The following DHRS12 variants were observed in gnomAD, a reference collection of about 807,000 sequenced individuals.
DHRS12 encodes dehydrogenase/reductase SDR family member 12.
In DHRS12, 29 loss-of-function variants were observed where a neutral mutation model predicts 32.1. The ratio of observed to expected loss-of-function variants is 0.90; its 90% CI spans 0.67 to 1.23. The LOEUF (loss-of-function observed/expected upper bound fraction) is 1.23, where lower values mean the gene tolerates loss of function less well. Among genes scored for constraint, DHRS12 ranks in the 50% most tolerant of loss-of-function variants. The pLI, the probability that DHRS12 is intolerant of heterozygous loss-of-function variation, is 0.00. For synonymous variants in DHRS12, 150 were observed against 135.9 expected (o/e 1.10, Z -0.72); for missense variants, 330 against 337.2 (o/e 0.98, Z 0.17).
In DHRS12 at chr13:51,773,210, A is replaced by G. The variant is rs1234761596; in HGVS notation, c.468+720T>C. ...TTTTTTCAAATTTTGGAATATCTGCATATACATAACGAGATATCTTGGGGA... is the reference window on the plus strand; with the variant it reads ...TTTTTTCAAATTTTGGAATATCTGCGTATACATAACGAGATATCTTGGGGA... On this transcript the variant is annotated intron_variant, in intron 6 of 8. Coordinates refer to ENST00000444610, the MANE Select transcript of DHRS12 (RefSeq NM_001377533.1). 2.0e-5 allele frequency among the ~76,000 whole-genome samples: 3 copies of G among 152,256 alleles called. No homozygotes were observed. In the East Asian group the frequency reaches 5.8e-4, roughly 29 times the overall value.
the DHRS12 span, among the ~76,000 whole-genome samples, chr13:51,759,102 G>GT: frequency 6.6e-6 from 1 of 152,194 alleles, no homozygotes. Flanking sequence ...AATTACTTGA[G>GT]CCCAGTAAGT....
intron 7 of DHRS12, chr13:51,771,299 G>A: frequency 6.4e-7 from 1 of 1,566,710 alleles, no homozygotes; most frequent in African/African-American, 1.4e-5. Context: ...GCTGCCTGAG[G>A]TCATGGAGTT....
Position 51,799,573 on chromosome 13 carries a change from C to T in DHRS12, c.87G>A (p.Ala29=), listed in dbSNP as rs139714201. The T allele has an allele frequency of 1.9e-5, 31 of 1,613,994 alleles. No homozygotes were observed. The highest frequency in any genetic ancestry group is 4.0e-5 in the African/African-American group (3 of 74,930). The change falls in exon 2 of 9, where the codon GCG becomes GCA. Residue 29 remains alanine, a synonymous_variant. Transcript: ENST00000444610. The stretch of plus-strand genomic sequence containing the variant: ...TCAAGGGCAGTTGCTTTGCCAATGC[C>T]GCTGTTTCCTCCAGTGACCAAAAAG... ...EESFWSLEET[A]ALAKQLPLKS... is the part of the protein sequence containing the mutation.
At chr13:51,792,110 T>G (rs945884656) in intron 2 of DHRS12, among the ~76,000 whole-genome samples, 1 of 152,208 alleles carries the variant, frequency 6.6e-6, no homozygotes. Flanking sequence ...CTTGGATAAG[T>G]ACCCAGAAGT....
rs185685436 is a variant in DHRS12 at position 51,778,579 on chromosome 13, C to T, written c.302-1458G>A. 4.8e-3 allele frequency among the ~76,000 whole-genome samples: 732 copies of T among 152,244 alleles called. 4 individuals are homozygous for T. The highest frequency in any genetic ancestry group is 0.015 in the Admixed American group (237 of 15,308). On this transcript the variant is annotated intron_variant, in intron 4 of 8. Coordinates refer to ENST00000444610, the MANE Select transcript of DHRS12 (RefSeq NM_001377533.1). Reference sequence around the variant, plus strand: ...GATCTGCCGCATCAGCTTGCCCTGACGGATTGTCATAAATGGCTCTTGTGA... The same window carrying T: ...GATCTGCCGCATCAGCTTGCCCTGATGGATTGTCATAAATGGCTCTTGTGA...
chr13:51,798,121 C>T (rs1002610311), intron 2 of DHRS12, among the ~76,000 whole-genome samples: 1 of 152,152 alleles, frequency 6.6e-6, no homozygotes, highest in African/African-American at 2.4e-5. Context: ...TCTGGAATAA[C>T]ATCCTGATTT....
the DHRS12 span, chr13:51,756,435 G>C: frequency 6.2e-7 from 1 of 1,614,090 alleles, no homozygotes. Flanking sequence ...GTCTGTGACA[G>C]CTGCCACGAG....
chr13:51,772,883 G>C (rs1226819225), intron 6 of DHRS12: 1 of 985,320 alleles, frequency 1.0e-6, no homozygotes, highest in Non-Finnish European at 1.2e-6. Flanking sequence ...ATTTGGTCTG[G>C]GGTCAAGGAG....
At chr13:51,787,128 G>T (rs7331639) in intron 4 of DHRS12, among the ~76,000 whole-genome samples, 5 of 152,106 alleles carry the variant, frequency 3.3e-5, no homozygotes, top group Non-Finnish European at 7.4e-5. Flanking sequence ...ATCAAAGCCC[G>T]AGAATTATTA....
At position 51,804,142 on chromosome 13, in the gene DHRS12, C is replaced by G. The variant is rs1191414214; in HGVS notation, c.-97G>C. ...GCGCCCCACGCCTAGCCCCACCGCG[C>G]TCCCGGCGCGGCCTCCGCCCTGGTC... On this transcript the variant is annotated 5_prime_UTR_variant, in exon 1 of 9. Coordinates refer to ENST00000444610, the MANE Select transcript of DHRS12 (RefSeq NM_001377533.1). 1.4e-6 allele frequency: 2 copies of G among 1,448,350 alleles called. No homozygotes were observed. The highest frequency in any genetic ancestry group is 2.7e-5 in the South Asian group (2 of 75,388). 89.7% of individuals were successfully genotyped at this position (1,448,350 alleles called of 1,614,324 possible).
At chr13:51,781,937 C>T (rs914941514) in intron 4 of DHRS12, among the ~76,000 whole-genome samples, 1 of 152,192 alleles carries the variant, frequency 6.6e-6, no homozygotes, top group South Asian at 2.1e-4. Flanking sequence ...TATTACTCCA[C>T]TACATCACAG....
chr13:51,783,577 T>C (rs943792359), intron 4 of DHRS12, among the ~76,000 whole-genome samples: 3 of 152,170 alleles, frequency 2.0e-5, no homozygotes, highest in Non-Finnish European at 4.4e-5. Context: ...TAGACTGTGG[T>C]GTGATTCGGA....
chr13:51,781,353 T>C (rs951449335), intron 4 of DHRS12, among the ~76,000 whole-genome samples: 2 of 151,722 alleles, frequency 1.3e-5, no homozygotes, highest in African/African-American at 4.8e-5. Context: ...CCCGCCACCT[T>C]ATCCAGTTCC....
At position 51,769,034 on chromosome 13, in the gene DHRS12, C is replaced by G. The variant is rs79996287; in HGVS notation, c.697+122G>C. The G allele has an allele frequency of 5.3e-4, 772 of 1,463,486 alleles. 5 individuals carry two copies. The African/African-American group carries it at 0.01, about 20-fold the overall frequency. 90.7% of individuals were successfully genotyped at this position (1,463,486 alleles called of 1,614,324 possible). A position where few individuals can be genotyped will look rare whatever the true frequency, so the allele number is the denominator to read the frequency against. ...CAAAGCAATCATCTCGCCAAAGAAG[C>G]CCAGGCACCCCCCAGGGGACAGTCC... is the stretch of plus-strand genomic sequence containing the variant. On this transcript the variant is annotated intron_variant, in intron 8 of 8. Transcript: ENST00000444610.
chr13:51,772,638 G>A (rs1954084833), intron 6 of DHRS12: 1 of 985,252 alleles, frequency 1.0e-6, no homozygotes, highest in African/African-American at 1.7e-5. Flanking sequence ...AAATGTACTA[G>A]ACACAGAGAA....
chr13:51,776,303 G>C (rs1156689014), intron 5 of DHRS12: 1 of 152,176 alleles, frequency 6.6e-6, no homozygotes, highest in African/African-American at 2.4e-5. Flanking sequence ...GGTCTCAGAG[G>C]AGACTCCATT....
chr13:51,798,090 C>T (rs1955589960), intron 2 of DHRS12, among the ~76,000 whole-genome samples: 2 of 152,114 alleles, frequency 1.3e-5, no homozygotes, highest in Non-Finnish European at 2.9e-5. Flanking sequence ...AACCTTATTG[C>T]CTACCTGTGC....
chr13:51,767,794 G>GGT (rs1953811617), downstream of DHRS12: 1 of 100,690 alleles, frequency 9.9e-6, no homozygotes, highest in African/African-American at 4.0e-5. Flanking sequence ...GGGGGGGGGG[G>GGT]GGGTGCACAG....
At chr13:51,771,406 C>T (rs1954006892) in intron 7 of DHRS12, 1 of 1,614,134 alleles carries the variant, frequency 6.2e-7, no homozygotes, top group South Asian at 1.1e-5. Context: ...TGGCATTTAC[C>T]TTCATGCATC....
Sources: allele counts gnomAD v4.1 joint callset (sites outside exome capture counted in the v4.1 genomes callset), GRCh38; gene constraint gnomAD v4.1.1; transcripts MANE v1.5; gene names NCBI Gene and HGNC (gene_info 2026-07-23, HGNC 2026-07-21).